SLC35F3: variants seen among roughly 807,000 people sequenced by gnomAD.
SLC35F3 encodes the protein solute carrier family 35 member F3, also known as putative thiamine transporter SLC35F3.
A neutral mutation model predicts 49.9 loss-of-function variants in SLC35F3; 25 were observed. The ratio of observed to expected loss-of-function variants is 0.50; its 90% CI spans 0.37 to 0.70. SLC35F3 has a LOEUF of 0.70. Among genes scored for constraint, SLC35F3 ranks in the 30% least tolerant of loss-of-function variants. The pLI is 0.00. For missense variants in SLC35F3, 525 were observed against 639.8 expected, an observed-to-expected ratio of 0.82 and a Z score of 1.94; for synonymous variants, 275 against 265.4, an observed-to-expected ratio of 1.04 and a Z score of -0.35.
intron 2 of SLC35F3, among the ~76,000 whole-genome samples, chr1:234,072,238 T>G (rs1191014122): frequency 6.6e-6 from 1 of 152,260 alleles, no homozygotes; most frequent in Non-Finnish European, 1.5e-5. Flanking sequence ...TACATTTATT[T>G]ATCTGTGAAG....
intron 2 of SLC35F3, among the ~76,000 whole-genome samples, chr1:234,227,689 T>C (rs971839903): frequency 6.6e-6 from 1 of 152,296 alleles, no homozygotes; most frequent in Middle Eastern, 3.4e-3. Flanking sequence ...TGAGCCACCG[T>C]GCCCGGCCGG....
intron 2 of SLC35F3, chr1:234,212,465 G>A (rs182560964): frequency 3.3e-5 from 5 of 152,186 alleles, no homozygotes; most frequent in Admixed American, 1.3e-4. Context: ...AGAGAATAAC[G>A]TACTGGTTAT....
At chr1:234,312,746 C>T (rs1052318383) in intron 4 of SLC35F3, among the ~76,000 whole-genome samples, 5 of 152,138 alleles carry the variant, frequency 3.3e-5, no homozygotes, top group African/African-American at 1.2e-4. Context: ...CCATTTTTCC[C>T]TTTTGTAAAA....
intron 2 of SLC35F3, among the ~76,000 whole-genome samples, chr1:234,192,895 G>A (rs1283069036): frequency 6.6e-6 from 1 of 152,088 alleles, no homozygotes; most frequent in Non-Finnish European, 1.5e-5. Context: ...CCTAAACAAG[G>A]TGAAAGCCAT....
At chr1:234,042,997 T>C (rs76395713) in intron 2 of SLC35F3, among the ~76,000 whole-genome samples, 1 of 152,372 alleles carries the variant, frequency 6.6e-6, no homozygotes, top group East Asian at 1.9e-4. Flanking sequence ...TAACTTTATG[T>C]CTTTTTATTA....
intron 2 of SLC35F3, among the ~76,000 whole-genome samples, chr1:234,151,400 T>C (rs12072305): frequency 0.018 from 2,807 of 151,926 alleles, 80 homozygotes; most frequent in African/African-American, 0.064. Flanking sequence ...GGCTAAGTTA[T>C]TATAAGAAAA....
chr1:234,117,330 G>A (rs986056361), intron 2 of SLC35F3, among the ~76,000 whole-genome samples: 16 of 152,148 alleles, frequency 1.1e-4, no homozygotes, highest in African/African-American at 3.1e-4. Flanking sequence ...AGTGGCTCAC[G>A]CCTGTAATCC....
intron 2 of SLC35F3, among the ~76,000 whole-genome samples, chr1:234,128,768 A>G (rs1665686956): frequency 2.0e-5 from 3 of 152,188 alleles, no homozygotes; most frequent in Admixed American, 6.5e-5. Flanking sequence ...GGAAAAGGAC[A>G]TATCTCTCTT....
chr1:234,294,595 A>G (rs1486570956), intron 3 of SLC35F3, among the ~76,000 whole-genome samples: 1 of 152,232 alleles, frequency 6.6e-6, no homozygotes, highest in Non-Finnish European at 1.5e-5. Flanking sequence ...GATAGTTCAC[A>G]GTTTTAAGAT....
intron 2 of SLC35F3, among the ~76,000 whole-genome samples, chr1:234,209,660 A>G (rs959265904): frequency 6.6e-6 from 1 of 152,158 alleles, no homozygotes; most frequent in African/African-American, 2.4e-5. Flanking sequence ...CAGACAGAGC[A>G]CATAGGACTG....
chr1:233,951,732 G>A (rs1025096101), intron 2 of SLC35F3, among the ~76,000 whole-genome samples: 1 of 151,866 alleles, frequency 6.6e-6, no homozygotes, highest in Non-Finnish European at 1.5e-5. Flanking sequence ...GTGTGTGTGT[G>A]TGTTTTGTTT....
chr1:233,939,397 GT>G (rs1662386469), intron 2 of SLC35F3, among the ~76,000 whole-genome samples: 1 of 152,214 alleles, frequency 6.6e-6, no homozygotes, highest in Non-Finnish European at 1.5e-5. Context: ...TGAGGCTGCA[GT>G]GAGCTGCAAT....
intron 3 of SLC35F3, among the ~76,000 whole-genome samples, chr1:234,273,826 T>G (rs1258516413): frequency 1.3e-5 from 2 of 151,900 alleles, no homozygotes; most frequent in Non-Finnish European, 2.9e-5. Flanking sequence ...GTCTGGAAAG[T>G]CCCCCTGCTT....
intron 3 of SLC35F3, among the ~76,000 whole-genome samples, chr1:234,254,625 A>G (rs1429749149): frequency 6.6e-6 from 1 of 152,250 alleles, no homozygotes; most frequent in Admixed American, 6.5e-5. Context: ...AAGGCTTGCA[A>G]ACAGGATTGT....
At chr1:234,171,414 G>A (rs1220509942) in intron 2 of SLC35F3, among the ~76,000 whole-genome samples, 2 of 152,202 alleles carry the variant, frequency 1.3e-5, no homozygotes, top group Non-Finnish European at 2.9e-5. Context: ...TGGGGGCGAT[G>A]TGATCTGGCA....
intron 2 of SLC35F3, among the ~76,000 whole-genome samples, chr1:234,107,543 G>A (rs920692212): frequency 1.3e-5 from 2 of 152,128 alleles, no homozygotes; most frequent in African/African-American, 2.4e-5. Context: ...AGTACCTACA[G>A]TGGAGAGCAT....
Position 234,214,736 on chromosome 1 carries a change from T to A in SLC35F3, c.284-16681T>A. ...GCGCCGCCGCCTGCGTGGGGGGATC[T>A]GGCAGCTTCAGGGGCTGCCCTGAGC... On this transcript the variant is annotated intron_variant, in intron 2 of 7. Coordinates refer to ENST00000366618, the MANE Select transcript of SLC35F3 (RefSeq NM_173508.4). The surrounding 1 kb of genome is among the most constrained non-coding windows in gnomAD (Gnocchi z 8.0). 1 of 992,306 alleles carries A rather than the reference T, an allele frequency of 1.0e-6. No homozygotes were observed. Among genetic ancestry groups the A allele is most frequent in the Non-Finnish European group, 1.4e-6 (1 of 726,424 alleles). 61.5% of individuals were successfully genotyped at this position (992,306 alleles called of 1,614,324 possible). A position where few individuals can be genotyped will look rare whatever the true frequency, so the allele number is the denominator to read the frequency against.
chr1:234,027,482 G>A lies in SLC35F3; in HGVS notation c.283+121724G>A, dbSNP rs965928243. ...AGGGGACACACATTCAAACCACAGCGATTAACTTTCAATTTCAGTCCATTC... is the reference window on the plus strand; with the variant it reads ...AGGGGACACACATTCAAACCACAGCAATTAACTTTCAATTTCAGTCCATTC... On this transcript the variant is annotated intron_variant, in intron 2 of 7. Coordinates refer to ENST00000366618, the MANE Select transcript of SLC35F3 (RefSeq NM_173508.4). The surrounding 1 kb of genome is among the most constrained non-coding windows in gnomAD (Gnocchi z 4.1). 3.9e-5 allele frequency among the ~76,000 whole-genome samples: 6 copies of A among 152,294 alleles called. No individual in the cohort carries two copies. The South Asian group carries it at 6.2e-4, about 16-fold the overall frequency.
At chr1:234,005,902 G>T (rs574790857) in intron 2 of SLC35F3, among the ~76,000 whole-genome samples, 1 of 152,268 alleles carries the variant, frequency 6.6e-6, no homozygotes, top group South Asian at 2.1e-4. Context: ...TCCTGACTCT[G>T]CTGCCACCCC....
Sources: allele counts gnomAD v4.1 joint callset (sites outside exome capture counted in the v4.1 genomes callset), GRCh38; gene constraint gnomAD v4.1.1; non-coding constraint Gnocchi (gnomAD v3.1); transcripts MANE v1.5; gene names NCBI Gene and HGNC (gene_info 2026-07-23, HGNC 2026-07-21).